B4GALT7: variants seen among roughly 807,000 people sequenced by gnomAD.
B4GALT7 encodes the protein beta-1,4-galactosyltransferase 7, also known as UDP-Gal:beta-GlcNAc beta-1,4-galactosyltransferase 7.
B4GALT7 carries 30 observed loss-of-function variants against 33.0 expected under a neutral mutation model. That is an observed-to-expected ratio of 0.91 (90% CI 0.68 to 1.23). The LOEUF is 1.23. Ranked by LOEUF, B4GALT7 falls within the 50% of genes most tolerant of loss-of-function variation. The pLI is 0.00. For missense variants in B4GALT7, 507 were observed against 450.8 expected, an observed-to-expected ratio of 1.12 and a Z score of -1.13; for synonymous variants, 213 against 187.2, an observed-to-expected ratio of 1.14 and a Z score of -1.13.
chr5:177,600,258 C>A lies in B4GALT7; in HGVS notation c.48C>A (p.Gly16=). ...CGGCGCAGCTGCCCTGGGAGGACGG[C>A]AGGTGAGCGGCGGCGGTGGGCCCGG... is the stretch of plus-strand genomic sequence containing the variant. ...RKAAQLPWED[G]RSGLLSGGLP... is the part of the protein sequence containing the mutation. Residue 16 remains glycine (G), a splice_region_variant and synonymous_variant, in exon 1 of 6, where the codon GGC becomes GGA. Transcript: ENST00000029410. The surrounding 1 kb of genome is among the most constrained non-coding windows in gnomAD (Gnocchi z 4.4). 2 of 1,359,878 alleles carry A rather than the reference C, an allele frequency of 1.5e-6. No homozygotes were observed. Among genetic ancestry groups the A allele is most frequent in the South Asian group, 1.6e-5 (1 of 60,916 alleles). 84.2% of individuals were successfully genotyped at this position (1,359,878 alleles called of 1,614,324 possible). A position where few individuals can be genotyped will look rare whatever the true frequency, so the allele number is the denominator to read the frequency against.
chr5:177,604,233 C>G lies in B4GALT7; in HGVS notation c.105C>G (p.Phe35Leu). 2 of 1,613,738 alleles carry G rather than the reference C, an allele frequency of 1.2e-6. No individual in the cohort carries two copies. Among genetic ancestry groups the G allele is most frequent in the East Asian group, 4.5e-5 (2 of 44,862 alleles). The change falls in exon 2 of 6, where the codon TTC (phenylalanine) becomes TTG (leucine). Residue 35 changes from phenylalanine (F) to leucine (L), a missense_variant. Physicochemically the swap from Phe to Leu is conservative, Grantham distance 22 (BLOSUM62 0). Transcript: ENST00000029410. ...LPRKCSVFHL[F>L]VACLSLGFFS... ...GGAAGTGTTCCGTCTTCCACCTGTT[C>G]GTGGCCTGCCTCTCGCTGGGCTTCT...
intron 5 of B4GALT7, 129 bp from the exon 6 acceptor site, chr5:177,609,411 C>T: frequency 1.6e-6 from 2 of 1,249,992 alleles, no homozygotes; most frequent in Non-Finnish European, 2.3e-6. Flanking sequence ...GGCTTCACTG[C>T]TTTGAGCTCT....
intron 2 of B4GALT7, among the ~76,000 whole-genome samples, chr5:177,605,471 G>T (rs1472600888): frequency 6.6e-6 from 1 of 152,144 alleles, no homozygotes; most frequent in Admixed American, 6.5e-5. Context: ...TTCATCCCTC[G>T]TCCTCACTCA....
chr5:177,608,135 C>G lies in B4GALT7; in HGVS notation c.640-404C>G. ...GCTTTATGTAAATGAAGCCCCTGAG[C>G]CAGGTGCAAGAATGGGTGTCTGTCA... On this transcript the variant is annotated intron_variant, in intron 3 of 5. Transcript: ENST00000029410. The surrounding 1 kb of genome is among the most constrained non-coding windows in gnomAD (Gnocchi z 4.1). 2 of 246,400 alleles carry G rather than the reference C, an allele frequency of 8.1e-6. No individual in the cohort carries two copies. Among genetic ancestry groups the G allele is most frequent in the Non-Finnish European group, 8.0e-6 (1 of 124,546 alleles). The allele number at this position is 246,400 out of a possible 1,614,324, so 15.3% of individuals were successfully genotyped here.
Position 177,600,241 on chromosome 5 carries a change from C to T in B4GALT7, c.31C>T (p.Leu11=). ...CCCCTCGCGGAGGAAAGCGGCGCAG[C>T]TGCCCTGGGAGGACGGCAGGTGAGC... MFPSRRKAAQ[L]PWEDGRSGLL... Residue 11 remains leucine (L), a synonymous_variant, in exon 1 of 6, where the codon CTG becomes TTG. Transcript: ENST00000029410. The surrounding 1 kb of genome is among the most constrained non-coding windows in gnomAD (Gnocchi z 4.4). The T allele has an allele frequency of 7.2e-7, 1 of 1,397,242 alleles. No individual in the cohort carries two copies. The highest frequency in any genetic ancestry group is 1.5e-5 in the South Asian group (1 of 66,604). The allele number at this position is 1,397,242 out of a possible 1,614,324, so 86.6% of individuals were successfully genotyped here.
chr5:177,607,528 G>A lies in B4GALT7; in HGVS notation c.639+1G>A, dbSNP rs757042339. ...GCTCTCCAAGCAGCACTACCGGCTG[G>A]TGAGGCCCGGACAGCCTGCTCTGCT... On this transcript the variant is annotated splice_donor_variant, in intron 3 of 5. Coordinates refer to ENST00000029410, the MANE Select transcript of B4GALT7 (RefSeq NM_007255.3). LOFTEE classifies it high-confidence loss of function. 1.9e-6 allele frequency: 3 copies of A among 1,610,152 alleles called. No homozygotes were observed. In the South Asian group the frequency reaches 3.3e-5, roughly 18 times the overall value.
Position 177,606,885 on chromosome 5 carries a change from T to G in B4GALT7, c.414-417T>G. ...GCCCTGTGGGTCATCTCTTCAGGCC[T>G]TCAGGTTTCTGTCACTCAGTTCCCC... On this transcript the variant is annotated intron_variant, in intron 2 of 5. Coordinates refer to ENST00000029410, the MANE Select transcript of B4GALT7 (RefSeq NM_007255.3). This position sits in a 1 kb window ranked among gnomAD's most constrained non-coding sequence, Gnocchi z 4.2. 1 of 350,468 alleles carries G rather than the reference T, an allele frequency of 2.9e-6. No homozygotes were observed. The highest frequency in any genetic ancestry group is 2.1e-5 in the African/African-American group (1 of 46,922). The allele number at this position is 350,468 out of a possible 1,614,324, so 21.7% of individuals were successfully genotyped here. A position where few individuals can be genotyped will look rare whatever the true frequency, so the allele number is the denominator to read the frequency against.
Position 177,608,592 on chromosome 5 carries a change from C to T in B4GALT7, c.693C>T (p.Phe231=). The part of the protein sequence containing the change: ...FWGWGREDDE[F]YRRIKGAGLQ... ...GCTGGGGCCGCGAGGACGACGAGTT[C>T]TACCGGCGCATTAAGGGAGCTGGGC... The change falls in exon 4 of 6, where the codon TTC becomes TTT. Residue 231 remains phenylalanine, a synonymous_variant. Coordinates refer to ENST00000029410, the MANE Select transcript of B4GALT7 (RefSeq NM_007255.3). The surrounding 1 kb of genome is among the most constrained non-coding windows in gnomAD (Gnocchi z 4.1). 1.2e-6 allele frequency: 2 copies of T among 1,613,864 alleles called. No individual in the cohort carries two copies. Among genetic ancestry groups the T allele is most frequent in the Non-Finnish European group, 1.7e-6 (2 of 1,180,004 alleles).
chr5:177,607,100 C>T (rs1330995456), intron 2 of B4GALT7: 1 of 642,924 alleles, frequency 1.6e-6, no homozygotes, highest in Non-Finnish European at 2.8e-6. Flanking sequence ...CACTGCTGTA[C>T]CTCCCGTGCT....
chr5:177,605,964 G>T, intron 2 of B4GALT7: 1 of 152,668 alleles, frequency 6.6e-6, no homozygotes, highest in Non-Finnish European at 1.5e-5. Context: ...CTGTGGACCT[G>T]CCAGCAGCAT....
chr5:177,604,364 C>G lies in B4GALT7; in HGVS notation c.236C>G (p.Pro79Arg). Residue 79 changes from proline to arginine, a missense_variant, in exon 2 of 6, where the codon CCG becomes CGG. Pro to Arg is a moderately radical substitution (Grantham distance 103). Coordinates refer to ENST00000029410, the MANE Select transcript of B4GALT7 (RefSeq NM_007255.3). ...SGPPRACPPEPPPEHWEEDAS... is the reference protein window; with the variant it reads ...SGPPRACPPERPPEHWEEDAS... ...CCTCCCCGTGCCTGCCCCCCAGAGC[C>G]GCCCCCTGAGCACTGGGAAGAAGAC... 6.2e-7 allele frequency: 1 copy of G among 1,612,632 alleles called. No individual in the cohort carries two copies. The highest frequency in any genetic ancestry group is 1.1e-5 in the South Asian group (1 of 90,970).
chr5:177,606,983 T>C lies in B4GALT7; in HGVS notation c.414-319T>C, dbSNP rs1768033166. 1 of 433,554 alleles carries C rather than the reference T, an allele frequency of 2.3e-6. No individual in the cohort carries two copies. Among genetic ancestry groups the C allele is most frequent in the Non-Finnish European group, 4.3e-6 (1 of 230,384 alleles). The allele number at this position is 433,554 out of a possible 1,614,324, so 26.9% of individuals were successfully genotyped here. ...CAGCAAGATCGCCCTCCTTGCCTGCTTTGCTTTTCCCCCCAGCACGAACCA... is the reference window on the plus strand; with the variant it reads ...CAGCAAGATCGCCCTCCTTGCCTGCCTTGCTTTTCCCCCCAGCACGAACCA... On this transcript the variant is annotated intron_variant, in intron 2 of 5. Transcript: ENST00000029410. The surrounding 1 kb of genome is among the most constrained non-coding windows in gnomAD (Gnocchi z 4.2).
chr5:177,605,780 G>A (rs1038614317), intron 2 of B4GALT7: 1 of 153,086 alleles, frequency 6.5e-6, no homozygotes, highest in Non-Finnish European at 1.5e-5. Flanking sequence ...CATCCCTCGA[G>A]GCTGTCACCC....
Position 177,608,686 on chromosome 5 carries a change from TTCC to T in B4GALT7, c.723+67_723+69del. On this transcript the variant is annotated intron_variant, in intron 4 of 5. Transcript: ENST00000029410. The surrounding 1 kb of genome is among the most constrained non-coding windows in gnomAD (Gnocchi z 4.1). ...TGGCTGCCCTGAGATTTTCTTCTGT[TTCC>T]TCAGATGAAGCTCCTGGGGTCTGGA... is the stretch of plus-strand genomic sequence containing the variant. The T allele has an allele frequency of 6.7e-7, 1 of 1,483,652 alleles. No homozygotes were observed. Among genetic ancestry groups the T allele is most frequent in the East Asian group, 2.3e-5 (1 of 44,070 alleles). 91.9% of individuals were successfully genotyped at this position (1,483,652 alleles called of 1,614,324 possible).
At position 177,603,655 on chromosome 5, in the gene B4GALT7, C is replaced by T. The variant is rs572969743; in HGVS notation, c.51-524C>T. Among the ~76,000 whole-genome samples, 23 of 152,256 alleles carry T rather than the reference C, an allele frequency of 1.5e-4. No homozygotes were observed. The South Asian group carries it at 4.6e-3, about 30-fold the overall frequency. On this transcript the variant is annotated intron_variant, in intron 1 of 5. Transcript: ENST00000029410. ...ATTGGTCATTTTACCTGGACTAATG[C>T]CAGCACACACCCGTGTCTGGGTGGC... is the stretch of plus-strand genomic sequence containing the variant.
In B4GALT7 at chr5:177,606,219, T is replaced by TA. The variant is rs1331134397; in HGVS notation, c.414-1080dup. The TA allele has an allele frequency of 6.6e-6, 1 of 152,150 alleles. No homozygotes were observed. Among genetic ancestry groups the TA allele is most frequent in the Admixed American group, 6.5e-5 (1 of 15,274 alleles). 9.4% of individuals were successfully genotyped at this position (152,150 alleles called of 1,614,324 possible). On this transcript the variant is annotated intron_variant, in intron 2 of 5. Transcript: ENST00000029410. The surrounding 1 kb of genome is among the most constrained non-coding windows in gnomAD (Gnocchi z 4.2). ...GAGGCTGTTTCCTGGAGTTCTCTCC[T>TA]AAACTCCAGGCTCAACAGCCCAGCC...
At position 177,604,425 on chromosome 5, in the gene B4GALT7, G is replaced by A. The variant is rs114036939; in HGVS notation, c.297G>A (p.Val99=). Residue 99 remains valine (V), a synonymous_variant, in exon 2 of 6, where the codon GTG becomes GTA. Coordinates refer to ENST00000029410, the MANE Select transcript of B4GALT7 (RefSeq NM_007255.3). Reference sequence around the variant, plus strand: ...GCCCCCACCGCCTGGCAGTGCTGGTGCCCTTCCGCGAACGCTTCGAGGAGC... The same window carrying A: ...GCCCCCACCGCCTGGCAGTGCTGGTACCCTTCCGCGAACGCTTCGAGGAGC... ...SWGPHRLAVL[V]PFRERFEELL... is the part of the protein sequence containing the mutation. 1.2e-6 allele frequency: 2 copies of A among 1,613,874 alleles called. No homozygotes were observed. Among genetic ancestry groups the A allele is most frequent in the Admixed American group, 3.3e-5 (2 of 60,026 alleles).
chr5:177,605,137 T>C (rs1264146564), intron 2 of B4GALT7: 3 of 404,730 alleles, frequency 7.4e-6, no homozygotes, highest in Non-Finnish European at 1.5e-5. Context: ...GACCCCCCCC[T>C]TTTCCCTGCC....
rs729459 is a variant in B4GALT7, at chr5:177,608,963, T to C, written c.777T>C (p.His259=). The part of the protein sequence containing the change: ...TTGYKTFRHL[H]DPAWRKRDQK... Reference sequence around the variant, plus strand: ...GGTACAAGACATTTCGCCACCTGCATGACCCAGCCTGGCGGAAGAGGGACC... The same window carrying C: ...GGTACAAGACATTTCGCCACCTGCACGACCCAGCCTGGCGGAAGAGGGACC... Residue 259 remains histidine (H), a synonymous_variant, in exon 5 of 6, where the codon CAT becomes CAC. Coordinates refer to ENST00000029410, the MANE Select transcript of B4GALT7 (RefSeq NM_007255.3). The surrounding 1 kb of genome is among the most constrained non-coding windows in gnomAD (Gnocchi z 4.1). 914,482 of 1,612,882 alleles carry C rather than the reference T, an allele frequency of 0.57. 261,972 individuals carry two copies. Among genetic ancestry groups the C allele is most frequent in the East Asian group, 0.8 (35,848 of 44,852 alleles).
Sources: gnomAD v4.1 joint callset for allele counts (sites outside exome capture counted in the v4.1 genomes callset) on GRCh38, gnomAD v4.1.1 for gene constraint, Gnocchi (gnomAD v3.1) non-coding constraint, MANE v1.5 for transcripts, NCBI Gene and HGNC (gene_info 2026-07-23, HGNC 2026-07-21) for gene names.